The following SEC16B variants were observed in gnomAD, a reference collection of about 807,000 sequenced individuals.
The protein encoded by SEC16B is protein transport protein Sec16B.
In SEC16B, 115 loss-of-function variants were observed where a neutral mutation model predicts 141.8. The ratio of observed to expected loss-of-function variants is 0.81; its 90% CI spans 0.70 to 0.95. The LOEUF (loss-of-function observed/expected upper bound fraction) is 0.95, where lower values mean the gene tolerates loss of function less well. Among genes scored for constraint, SEC16B ranks in the 40% least tolerant of loss-of-function variants. The probability of loss-of-function intolerance (pLI) is 0.00; values close to 1 mark genes in which losing one functional copy is unlikely to be tolerated. For synonymous variants in SEC16B, 493 were observed against 492.5 expected, an observed-to-expected ratio of 1.00 and a Z score of -0.01; for missense variants, 1,291 against 1,312.3, an observed-to-expected ratio of 0.98 and a Z score of 0.25.
At chr1:177,948,614 C>A in intron 12 of SEC16B, 1 of 1,303,586 alleles carries the variant, frequency 7.7e-7, no homozygotes. Flanking sequence ...GGTGTTTTCC[C>A]CACAATCTCT....
chr1:177,967,627 A>G, intron 2 of SEC16B, 56 bp downstream of exon 2: 6 of 1,443,962 alleles, frequency 4.2e-6, no homozygotes, highest in Non-Finnish European at 5.6e-6. Flanking sequence ...GGAAAAGAAC[A>G]ACCTATTCAT....
At chr1:177,975,703 G>A (rs1332330540) in intron 1 of SEC16B, among the ~76,000 whole-genome samples, 2 of 152,182 alleles carry the variant, frequency 1.3e-5, no homozygotes, top group Admixed American at 6.5e-5. Context: ...GATGCATTGT[G>A]GCTCTTTTTA....
chr1:177,937,459 C>T lies in SEC16B; in HGVS notation c.2258G>A (p.Gly753Glu). 1 of 1,596,870 alleles carries T rather than the reference C, an allele frequency of 6.3e-7. No homozygotes were observed. Among genetic ancestry groups the T allele is most frequent in the African/African-American group, 1.3e-5 (1 of 74,494 alleles). The change falls in exon 19 of 26, where the codon GGG becomes GAG. Residue 753 changes from glycine (G) to glutamate (E), a missense_variant. Physicochemically the swap from Gly to Glu is moderately conservative, Grantham distance 98. Transcript: ENST00000308284. Reference protein sequence around the residue: ...SGCQGYSEAPGYRSALWLTPE... With the variant: ...SGCQGYSEAPEYRSALWLTPE... ...TGTCAGCCACAGAGCTGAGCGGTAC[C>T]CAGGGGCTTCAGAGTAGCCTTGACA...
intron 11 of SEC16B, 40 bp from the exon 12 acceptor site, chr1:177,952,035 G>A: frequency 1.3e-6 from 2 of 1,540,088 alleles, no homozygotes; most frequent in Non-Finnish European, 1.8e-6. Flanking sequence ...CAAGCCCAGG[G>A]AACCTCTTTA....
At chr1:177,944,743 AC>A in intron 14 of SEC16B, 77 bp from the exon 15 acceptor site, 1 of 1,184,806 alleles carries the variant, frequency 8.4e-7, no homozygotes, top group Non-Finnish European at 1.2e-6. Flanking sequence ...CTCTCCAAAC[AC>A]CAGCTGCAGC....
In SEC16B at chr1:177,954,314, C is replaced by G; in HGVS notation, c.1428G>C (p.Lys476Asn). Reference protein sequence around the residue: ...LWGHALFLSSKMDPQTYSWVM... With the variant: ...LWGHALFLSSNMDPQTYSWVM... ...CCCAGCTGTAGGTCTGTGGGTCCAT[C>G]TTGCTGGACAGGAACAAAGCATGGC... Residue 476 changes from lysine to asparagine, a missense_variant, in exon 11 of 26, where the codon AAG becomes AAC. Lys to Asn is a moderately conservative substitution (Grantham distance 94). Transcript: ENST00000308284. 3.2e-6 allele frequency: 5 copies of G among 1,572,618 alleles called. 1 individual carries two copies. The South Asian group carries it at 4.7e-5, about 15-fold the overall frequency.
chr1:177,967,518 AAAC>A (rs1330565536), intron 2 of SEC16B, among the ~76,000 whole-genome samples, 162 bp downstream of exon 2: 1 of 152,154 alleles, frequency 6.6e-6, no homozygotes, highest in Non-Finnish European at 1.5e-5. Flanking sequence ...CAGTCATCAA[AAAC>A]AAATTTGGGA....
intron 10 of SEC16B, 79 bp downstream of exon 10, chr1:177,958,053 A>G (rs73045023): frequency 0.025 from 25,486 of 1,005,090 alleles, 650 homozygotes; most frequent in African/African-American, 0.091. Context: ...TACTATTCAC[A>G]TAATTTGAGC....
At chr1:177,946,675 A>C in intron 13 of SEC16B, 144 bp from the exon 14 acceptor site, 1 of 626,732 alleles carries the variant, frequency 1.6e-6, no homozygotes, top group Non-Finnish European at 2.8e-6. Flanking sequence ...TGAGCCTTTC[A>C]TAGCGTGAGT....
chr1:177,956,924 T>C (rs1242073250), intron 10 of SEC16B, among the ~76,000 whole-genome samples: 2 of 152,168 alleles, frequency 1.3e-5, no homozygotes, highest in Non-Finnish European at 2.9e-5. Context: ...GGCTAAGTTA[T>C]GATGTCGGGT....
Position 177,946,481 on chromosome 1 carries a change from C to T in SEC16B, c.1714G>A (p.Val572Met), listed in dbSNP as rs757137733. 40 of 1,585,330 alleles carry T rather than the reference C, an allele frequency of 2.5e-5. No individual in the cohort carries two copies. Among genetic ancestry groups the T allele is most frequent in the South Asian group, 1.3e-4 (11 of 86,468 alleles). The change falls in exon 14 of 26, where the codon GTG becomes ATG. Residue 572 changes from valine to methionine, a missense_variant. By Grantham distance (21) the Val-to-Met change is conservative (BLOSUM62 1). Transcript: ENST00000308284. ...TTCACGGTGTAGTGGCCAAAGGGCA[C>T]GTGAGCCATGAGATAGCAGAAGTGA... ...AAHFCYLMAH[V>M]PFGHYTVKTD...
chr1:177,964,697 G>A (rs12757912), intron 4 of SEC16B, among the ~76,000 whole-genome samples: 1,965 of 152,312 alleles, frequency 0.013, 19 homozygotes, highest in Middle Eastern at 0.031. Flanking sequence ...AAGCACCACA[G>A]CACCAGGTAA....
At chr1:177,966,055 A>G in intron 2 of SEC16B, 50 bp from the exon 3 acceptor site, 3 of 1,173,816 alleles carry the variant, frequency 2.6e-6, no homozygotes, top group Non-Finnish European at 3.7e-6. Context: ...GGTAGTAAAG[A>G]GAGAAACCAA....
At position 177,958,260 on chromosome 1, in the gene SEC16B, C is replaced by T. The variant is rs756878666; in HGVS notation, c.1237G>A (p.Asp413Asn). The change falls in exon 10 of 26, where the codon GAT becomes AAT. Residue 413 changes from aspartate (D) to asparagine (N), a missense_variant. Asp to Asn is a conservative substitution (Grantham distance 23). This residue lies in a region of SEC16B where 681 missense variants were observed against 675.5 expected (regional missense o/e 1.01). Coordinates refer to ENST00000308284, the MANE Select transcript of SEC16B (RefSeq NM_033127.4). ...GAGCTCAGCACTGGCCAGTCCTCAT[C>T]GGTCAGGTTGATGAGGTTGGCCACA... ...PPVANLINLT[D>N]EDWPVLSSGT... 9.9e-6 allele frequency: 16 copies of T among 1,610,596 alleles called. No individual in the cohort carries two copies. The highest frequency in any genetic ancestry group is 1.7e-4 in the Middle Eastern group (1 of 6,058).
In SEC16B at chr1:177,978,595, T is replaced by C. The variant is rs1181609463; in HGVS notation, c.-59+5611A>G. On this transcript the variant is annotated intron_variant and NMD_transcript_variant, in intron 1 of 24. Coordinates refer to the SEC16B transcript ENST00000528461. ...GGCTCACACCTGTAGTCTTACCTAA[T>C]TGGGAAGCTTTGGTGGAAGGATCAC... 2.0e-5 allele frequency among the ~76,000 whole-genome samples: 3 copies of C among 152,112 alleles called. 1 individual carries two copies. In the South Asian group the frequency reaches 6.2e-4, roughly 32 times the overall value.
At chr1:177,930,519 G>T in intron 25 of SEC16B, 26 bp downstream of exon 25, 2 of 1,552,046 alleles carry the variant, frequency 1.3e-6, no homozygotes, top group Non-Finnish European at 1.8e-6. Context: ...CTCCTGGCCA[G>T]CCCCTCCCCC....
At chr1:177,949,524 T>TAGAGAGAG (rs148147693) in intron 12 of SEC16B, among the ~76,000 whole-genome samples, 26 of 147,552 alleles carry the variant, frequency 1.8e-4, no homozygotes, top group Non-Finnish European at 3.1e-4. Context: ...GGGGACACAG[T>TAGAGAGAG]AGAGAGAGAG....
At chr1:177,943,568 G>A (rs923651686) in intron 15 of SEC16B, among the ~76,000 whole-genome samples, 1 of 152,208 alleles carries the variant, frequency 6.6e-6, no homozygotes, top group African/African-American at 2.4e-5. Context: ...AAGCACTGAA[G>A]GAGAAACAAG....
intron 16 of SEC16B, 70 bp downstream of exon 16, chr1:177,941,830 G>A (rs1257370710): frequency 6.5e-7 from 1 of 1,533,612 alleles, no homozygotes; most frequent in East Asian, 2.3e-5. Context: ...TAGAGTCTAA[G>A]CTGCTCTACG....
Sources: gnomAD v4.1 joint callset for allele counts (sites outside exome capture counted in the v4.1 genomes callset) on GRCh38, gnomAD v4.1.1 for gene constraint, gnomAD v4.1.1 regional missense constraint, MANE v1.5 for transcripts, NCBI Gene and HGNC (gene_info 2026-07-23, HGNC 2026-07-21) for gene names.